FEZ1: variants seen among roughly 807,000 people sequenced by gnomAD.
FEZ1 encodes fasciculation and elongation protein zeta 1, also known as fasciculation and elongation protein zeta-1.
FEZ1 carries 20 observed loss-of-function variants against 49.3 expected under a neutral mutation model. The observed-to-expected ratio is 0.41, with a 90% CI of 0.29 to 0.59. FEZ1 has a LOEUF of 0.59. FEZ1 is among the 20% of genes least tolerant of loss of function. The probability of loss-of-function intolerance (pLI) is 0.36; values close to 1 mark genes in which losing one functional copy is unlikely to be tolerated. For missense variants in FEZ1, 413 were observed against 476.0 expected (o/e 0.87, Z 1.23); for synonymous variants, 170 against 180.9 (o/e 0.94, Z 0.48).
At chr11:125,457,423 A>T (rs1474641337) in intron 5 of FEZ1, among the ~76,000 whole-genome samples, 75 of 37,506 alleles carry the variant, frequency 2.0e-3, no homozygotes, top group African/African-American at 6.2e-3. Context: ...AAAAAAAAAA[A>T]AAAAAAATAT....
At chr11:125,481,690 G>C in intron 2 of FEZ1, 57 bp from the exon 3 acceptor site, 1 of 1,202,484 alleles carries the variant, frequency 8.3e-7, no homozygotes, top group Non-Finnish European at 1.2e-6. Context: ...CCCGCCTGGA[G>C]GAAGGAAGAG....
rs539326930 is a variant in FEZ1, at chr11:125,445,322, C to A, written c.*773G>T. 6.6e-6 allele frequency among the ~76,000 whole-genome samples: 1 copy of A among 152,318 alleles called. No homozygotes were observed. Among genetic ancestry groups the A allele is most frequent in the Admixed American group, 6.5e-5 (1 of 15,304 alleles). ...CTCAGCAGAGCTGACTTCCCGCAGG[C>A]CCTGAGCCTCCAGGTCCCCGTGGAC... On this transcript the variant is annotated 3_prime_UTR_variant, in exon 10 of 10. Coordinates refer to ENST00000278919, the MANE Select transcript of FEZ1 (RefSeq NM_005103.5). This position sits in a 1 kb window ranked among gnomAD's most constrained non-coding sequence, Gnocchi z 4.4.
chr11:125,448,868 T>C (rs1956921325), intron 8 of FEZ1, among the ~76,000 whole-genome samples: 2 of 151,578 alleles, frequency 1.3e-5, no homozygotes, highest in Admixed American at 1.3e-4. Flanking sequence ...AGAACCTCAT[T>C]TCTAATTAAA....
chr11:125,460,152 T>A (rs1026015484), intron 5 of FEZ1: 15 of 180,140 alleles, frequency 8.3e-5, no homozygotes, highest in Non-Finnish European at 2.3e-5. Context: ...AGAAAGCACT[T>A]CAGAAATATG....
intron 3 of FEZ1, among the ~76,000 whole-genome samples, chr11:125,475,020 A>G (rs938072745): frequency 1.3e-5 from 2 of 152,212 alleles, no homozygotes; most frequent in Non-Finnish European, 2.9e-5. Flanking sequence ...CTGTAATCCC[A>G]GCACTTTGGG....
intron 3 of FEZ1, among the ~76,000 whole-genome samples, chr11:125,481,098 C>T (rs1261354444): frequency 1.3e-5 from 2 of 151,794 alleles, no homozygotes; most frequent in Non-Finnish European, 2.9e-5. Flanking sequence ...TTTGCACCAA[C>T]CTAATAGAAG....
At chr11:125,487,137 C>A (rs778360697) in intron 2 of FEZ1, among the ~76,000 whole-genome samples, 1 of 152,146 alleles carries the variant, frequency 6.6e-6, no homozygotes, top group African/African-American at 2.4e-5. Context: ...TTCTAATGTG[C>A]TAGAAGACAG....
intron 5 of FEZ1, 52 bp from the exon 6 acceptor site, chr11:125,456,158 G>A (rs980009979): frequency 5.2e-5 from 78 of 1,504,290 alleles, no homozygotes; most frequent in Non-Finnish European, 6.3e-5. Flanking sequence ...ACCAGAGCCC[G>A]CTGGGGAGGC....
At position 125,455,888 on chromosome 11, in the gene FEZ1, C is replaced by G. The variant is rs1957005831; in HGVS notation, c.886G>C (p.Gly296Arg). 1 of 1,613,764 alleles carries G rather than the reference C, an allele frequency of 6.2e-7. No individual in the cohort carries two copies. Among genetic ancestry groups the G allele is most frequent in the Non-Finnish European group, 8.5e-7 (1 of 1,180,016 alleles). ...ATCCGGCTGCTCTGCAGGCTCAGCC[C>G]TTTCTCTTTCCGCCTCTTTTTCATC... ...ELMKKRRKEKGLSLQSSRIEK... is the reference protein window; with the variant it reads ...ELMKKRRKEKRLSLQSSRIEK... The change falls in exon 6 of 10, where the codon GGG becomes CGG. Residue 296 changes from glycine (G) to arginine (R), a missense_variant. Physicochemically the swap from Gly to Arg is moderately radical, Grantham distance 125. Coordinates refer to ENST00000278919, the MANE Select transcript of FEZ1 (RefSeq NM_005103.5).
intron 5 of FEZ1, among the ~76,000 whole-genome samples, chr11:125,458,910 A>G (rs1043799145): frequency 6.6e-6 from 1 of 152,090 alleles, no homozygotes; most frequent in Non-Finnish European, 1.5e-5. Flanking sequence ...TACTAAGAAT[A>G]TAAAAATTAG....
rs1565307364 is a variant in FEZ1, at chr11:125,493,508, G to GAAAGAAAGAA, written c.-46+2612_-46+2613insTTCTTTCTTT. On this transcript the variant is annotated intron_variant, in intron 1 of 9. Coordinates refer to ENST00000278919, the MANE Select transcript of FEZ1 (RefSeq NM_005103.5). ...AAAGAAGGAAAGAAAGAAAGAAAGA[G>GAAAGAAAGAA]AGAAAGAAAGAAAGAAAGAAAGAAA... is the stretch of plus-strand genomic sequence containing the variant. Among the ~76,000 whole-genome samples the GAAAGAAAGAA allele has an allele frequency of 1.0e-3, 66 of 66,054 alleles. 11 individuals are homozygous for GAAAGAAAGAA. Among genetic ancestry groups the GAAAGAAAGAA allele is most frequent in the East Asian group, 3.8e-3 (8 of 2,116 alleles). 43.3% of individuals were successfully genotyped at this position (66,054 alleles called of 152,430 possible).
chr11:125,457,429 A>AAAAATATATAT (rs1164500309), intron 5 of FEZ1, among the ~76,000 whole-genome samples: 10 of 20,910 alleles, frequency 4.8e-4, no homozygotes, highest in Admixed American at 1.1e-3. Flanking sequence ...AAAAAAAAAA[A>AAAAATATATAT]ATATATATAT....
chr11:125,492,047 T>C (rs1462710740), intron 1 of FEZ1, among the ~76,000 whole-genome samples: 1 of 152,244 alleles, frequency 6.6e-6, no homozygotes, highest in East Asian at 1.9e-4. Context: ...TGAAGTAATA[T>C]GTTTATTTAA....
chr11:125,487,378 CA>C (rs1289980098), intron 2 of FEZ1, among the ~76,000 whole-genome samples: 2 of 152,110 alleles, frequency 1.3e-5, no homozygotes, highest in African/African-American at 4.8e-5. Context: ...CACAGTCAAC[CA>C]GGGTTAAATG....
intron 3 of FEZ1, among the ~76,000 whole-genome samples, chr11:125,467,218 ATTTT>A (rs936518051): frequency 6.6e-6 from 1 of 151,768 alleles, no homozygotes; most frequent in African/African-American, 2.4e-5. Flanking sequence ...TTTGTTTTGA[ATTTT>A]TTTAGAGATA....
At position 125,490,899 on chromosome 11, in the gene FEZ1, G is replaced by A. The variant is rs929354753; in HGVS notation, c.-45-1077C>T. Among the ~76,000 whole-genome samples, 4 of 151,986 alleles carry A rather than the reference G, an allele frequency of 2.6e-5. 1 individual carries two copies. Among genetic ancestry groups the A allele is most frequent in the Admixed American group, 1.3e-4 (2 of 15,242 alleles). Reference sequence around the variant, plus strand: ...ATGCCTTGGCCTCCCAAGTAGCTGCGTGTGCCACCACACCCAGCTAATTTT... The same window carrying A: ...ATGCCTTGGCCTCCCAAGTAGCTGCATGTGCCACCACACCCAGCTAATTTT... On this transcript the variant is annotated intron_variant, in intron 1 of 9. Coordinates refer to ENST00000278919, the MANE Select transcript of FEZ1 (RefSeq NM_005103.5).
chr11:125,493,370 G>GAAAGA (rs1555043662), intron 1 of FEZ1, among the ~76,000 whole-genome samples: 4 of 33,020 alleles, frequency 1.2e-4, no homozygotes, highest in African/African-American at 4.6e-4. Context: ...AGAAAAGAAA[G>GAAAGA]AAAGAAAGAA....
At chr11:125,471,225 T>A (rs1957180151) in intron 3 of FEZ1, among the ~76,000 whole-genome samples, 1 of 151,984 alleles carries the variant, frequency 6.6e-6, no homozygotes, top group Admixed American at 6.6e-5. Flanking sequence ...CAATCAGAAA[T>A]GAAGACAATA....
Position 125,464,785 on chromosome 11 carries a change from G to A in FEZ1, c.412-1215C>T, listed in dbSNP as rs374785145. Among the ~76,000 whole-genome samples the A allele has an allele frequency of 3.9e-5, 6 of 152,274 alleles. No homozygotes were observed. The East Asian group carries it at 9.6e-4, about 24-fold the overall frequency. On this transcript the variant is annotated intron_variant, in intron 3 of 9. Coordinates refer to ENST00000278919, the MANE Select transcript of FEZ1 (RefSeq NM_005103.5). ...GCCATCCGCACTCAACCTAGATATG[G>A]GGTAGGACAGGGAGGTAATGGAATC... is the stretch of plus-strand genomic sequence containing the variant.
Sources: allele counts gnomAD v4.1 joint callset (sites outside exome capture counted in the v4.1 genomes callset), GRCh38; gene constraint gnomAD v4.1.1; non-coding constraint Gnocchi (gnomAD v3.1); transcripts MANE v1.5; gene names NCBI Gene and HGNC (gene_info 2026-07-23, HGNC 2026-07-21).